Variants in RAD52 observed in about 807,000 individuals in gnomAD.
RAD52 encodes the protein RAD52 DNA repair protein.
RAD52 carries 47 observed loss-of-function variants against 55.5 expected under a neutral mutation model. That is an observed-to-expected ratio of 0.85 (90% confidence interval 0.67 to 1.08). The LOEUF is 1.08. RAD52 is among the 50% of genes least tolerant of loss of function. The pLI is 0.00. For synonymous variants in RAD52, 184 were observed against 198.9 expected, an observed-to-expected ratio of 0.92 and a Z score of 0.63; for missense variants, 468 against 522.8, an observed-to-expected ratio of 0.90 and a Z score of 1.02.
rs184776153 is a variant in RAD52, at chr12:965,202, T to A, written c.-19+24607A>T. ...TCCATGTTGGCCAGGTTGGTCTTGA[T>A]CTCCTGACTTGGTGATCCGCCCACC... On this transcript the variant is annotated intron_variant, in intron 1 of 11. Coordinates refer to the RAD52 transcript ENST00000430095. Among the ~76,000 whole-genome samples the A allele has an allele frequency of 2.8e-3, 422 of 151,952 alleles. 8 individuals carry two copies. Among genetic ancestry groups the A allele is most frequent in the African/African-American group, 9.9e-3 (411 of 41,370 alleles).
intron 1 of RAD52, among the ~76,000 whole-genome samples, chr12:957,495 T>C (rs933230738): frequency 2.1e-5 from 3 of 140,444 alleles, no homozygotes; most frequent in African/African-American, 8.0e-5. Context: ...AAAAAAGAAT[T>C]GTCATTTTGT....
intron 1 of RAD52, among the ~76,000 whole-genome samples, chr12:949,094 C>G (rs966298801): frequency 5.3e-5 from 8 of 152,132 alleles, no homozygotes; most frequent in Admixed American, 3.9e-4. Context: ...CTCGCTCTGT[C>G]GCCCGGGACG....
intron 1 of RAD52, among the ~76,000 whole-genome samples, chr12:980,798 T>C (rs1959004362): frequency 6.6e-6 from 1 of 152,048 alleles, no homozygotes; most frequent in African/African-American, 2.4e-5. Flanking sequence ...ACAGTGTCTG[T>C]ATTACTTGGC....
Position 916,684 on chromosome 12 carries a change from C to G in RAD52, c.680G>C (p.Arg227Thr), listed in dbSNP as rs751126516. Reference protein sequence around the residue: ...PQLQQVTSPSRPSHAVIPADQ... With the variant: ...PQLQQVTSPSTPSHAVIPADQ... ...CGCCGGTATCACAGCATGGCTGGGT[C>G]TGGAAGGGGAGGTCACCTGCTGCAG... Residue 227 changes from arginine (R) to threonine (T), a missense_variant, in exon 8 of 12, where the codon AGA (arginine) becomes ACA (threonine). Coordinates refer to ENST00000358495, the MANE Select transcript of RAD52 (RefSeq NM_134424.4). 35 of 1,613,968 alleles carry G rather than the reference C, an allele frequency of 2.2e-5. No individual in the cohort carries two copies. The highest frequency in any genetic ancestry group is 2.7e-5 in the Non-Finnish European group (32 of 1,180,004).
intron 1 of RAD52, among the ~76,000 whole-genome samples, chr12:955,720 C>T (rs902194628): frequency 6.6e-6 from 1 of 152,080 alleles, no homozygotes; most frequent in African/African-American, 2.4e-5. Flanking sequence ...GATCCGCCTG[C>T]CTCGGTCTCC....
intron 1 of RAD52, among the ~76,000 whole-genome samples, chr12:967,400 C>T (rs1282994871): frequency 6.8e-6 from 1 of 147,072 alleles, no homozygotes; most frequent in African/African-American, 2.5e-5. Context: ...AAAAAAAGTT[C>T]ACAAAACATA....
At chr12:938,230 A>T (rs966554523) in intron 1 of RAD52, among the ~76,000 whole-genome samples, 3 of 152,232 alleles carry the variant, frequency 2.0e-5, no homozygotes, top group Non-Finnish European at 2.9e-5. Context: ...TGGACGCACT[A>T]AGAAGGTCCC....
chr12:945,566 TG>T (rs1245785157), intron 1 of RAD52, among the ~76,000 whole-genome samples: 1 of 151,086 alleles, frequency 6.6e-6, no homozygotes, highest in Non-Finnish European at 1.5e-5. Flanking sequence ...CCTGAGTAGC[TG>T]GAACTACAGG....
chr12:931,391 T>A, intron 2 of RAD52, 70 bp from the exon 3 acceptor site: 1 of 1,151,236 alleles, frequency 8.7e-7, no homozygotes, highest in Non-Finnish European at 1.2e-6. Context: ...CTCCATCCTT[T>A]ATGGAGACTT....
intron 1 of RAD52, among the ~76,000 whole-genome samples, chr12:945,682 C>T (rs967504553): frequency 8.6e-5 from 13 of 150,964 alleles, no homozygotes; most frequent in Non-Finnish European, 1.6e-4. Context: ...GTGATCTGCC[C>T]ACCTCGGCCT....
At chr12:977,395 A>G (rs1321537856) in intron 1 of RAD52, among the ~76,000 whole-genome samples, 1 of 152,160 alleles carries the variant, frequency 6.6e-6, no homozygotes, top group Admixed American at 6.5e-5. Flanking sequence ...ATATGGGTCA[A>G]ACGCTGCCAT....
chr12:950,041 C>T (rs909379270), upstream of RAD52, among the ~76,000 whole-genome samples: 2 of 152,226 alleles, frequency 1.3e-5, no homozygotes, highest in South Asian at 4.1e-4. Flanking sequence ...TTCACATGCC[C>T]AGTGCCCATT....
intron 1 of RAD52, chr12:975,658 T>C (rs1189025877): frequency 6.6e-6 from 1 of 152,208 alleles, no homozygotes; most frequent in Non-Finnish European, 1.5e-5. Context: ...TAGCTCCTGA[T>C]ACATCCTCCT....
chr12:914,893 C>T (rs542781232), intron 9 of RAD52, among the ~76,000 whole-genome samples: 3 of 152,338 alleles, frequency 2.0e-5, no homozygotes, highest in African/African-American at 4.8e-5. Flanking sequence ...CACAGTGGCT[C>T]ACACCTGTAA....
chr12:946,326 A>G (rs558822710), intron 1 of RAD52, among the ~76,000 whole-genome samples: 1 of 152,302 alleles, frequency 6.6e-6, no homozygotes, highest in South Asian at 2.1e-4. Context: ...AGCACTACTG[A>G]GACAGTCAGT....
intron 1 of RAD52, among the ~76,000 whole-genome samples, chr12:962,626 C>T (rs968152768): frequency 4.6e-5 from 7 of 152,010 alleles, no homozygotes; most frequent in African/African-American, 9.7e-5. Context: ...GGATTACAGG[C>T]GTGAGCCACT....
chr12:913,253 T>C lies in RAD52; in HGVS notation c.*138A>G. ...CTGCAGTGGGCTCTCAGTCAGATCC[T>C]CTTGATAAGGTTCAGAATGAAGCAA... On this transcript the variant is annotated 3_prime_UTR_variant, in exon 12 of 12. Coordinates refer to ENST00000358495, the MANE Select transcript of RAD52 (RefSeq NM_134424.4). The C allele has an allele frequency of 1.3e-6, 1 of 741,972 alleles. No homozygotes were observed. The highest frequency in any genetic ancestry group is 2.3e-6 in the Non-Finnish European group (1 of 438,020). The allele number at this position is 741,972 out of a possible 1,614,324, so 46.0% of individuals were successfully genotyped here. A position where few individuals can be genotyped will look rare whatever the true frequency, so the allele number is the denominator to read the frequency against.
chr12:924,904 G>A (rs1049456977), intron 7 of RAD52, among the ~76,000 whole-genome samples: 3 of 151,464 alleles, frequency 2.0e-5, no homozygotes, highest in South Asian at 2.1e-4. Flanking sequence ...CTACCTACAC[G>A]TACACAAATT....
At chr12:978,158 G>A (rs1179565269) in intron 1 of RAD52, among the ~76,000 whole-genome samples, 1 of 152,026 alleles carries the variant, frequency 6.6e-6, no homozygotes, top group East Asian at 1.9e-4. Flanking sequence ...CTGTCCTTTC[G>A]TTCTGGACTA....
Sources: allele counts gnomAD v4.1 joint callset (sites outside exome capture counted in the v4.1 genomes callset), GRCh38; gene constraint gnomAD v4.1.1; transcripts MANE v1.5; gene names NCBI Gene and HGNC (gene_info 2026-07-23, HGNC 2026-07-21).